Variants in ZEB1 observed in about 807,000 individuals in gnomAD.
ZEB1 encodes zinc finger E-box-binding homeobox 1.
A neutral mutation model predicts 84.9 loss-of-function variants in ZEB1; 21 were observed. The ratio of observed to expected loss-of-function variants is 0.25; its 90% CI spans 0.18 to 0.36. ZEB1 has a LOEUF of 0.36. Among genes scored for constraint, ZEB1 ranks in the 10% least tolerant of loss-of-function variants. ZEB1 has a pLI of 1.00. For missense variants in ZEB1, 1,104 were observed against 1,330.2 expected (o/e 0.83, Z 2.65); for synonymous variants, 420 against 471.1 (o/e 0.89, Z 1.41).
chr10:31,504,497 A>G (rs751718647), intron 4 of ZEB1, among the ~76,000 whole-genome samples: 45 of 152,078 alleles, frequency 3.0e-4, no homozygotes, highest in Non-Finnish European at 5.6e-4. Flanking sequence ...GAAAAATGAC[A>G]TAGATATTTT....
chr10:31,466,972 C>T (rs1259160167), intron 2 of ZEB1, among the ~76,000 whole-genome samples: 3 of 151,928 alleles, frequency 2.0e-5, no homozygotes, highest in Non-Finnish European at 4.4e-5. Flanking sequence ...CAGAGAGGAA[C>T]CAAAATATTG....
rs771931451 is a variant in ZEB1 at position 31,521,832 on chromosome 10, A to C, written c.2500A>C (p.Lys834Gln). Residue 834 changes from lysine (K) to glutamine (Q), a missense_variant, in exon 7 of 9, where the codon AAG becomes CAG. Physicochemically the swap from Lys to Gln is moderately conservative, Grantham distance 53. Transcript: ENST00000424869. ...ATGCTTAAGAGCGCTAGCTGCCAAT[A>C]AGCAAACGATTCTGATTCCCCAGGT... ...VPCLRALAANKQTILIPQVAY... is the reference protein window; with the variant it reads ...VPCLRALAANQQTILIPQVAY... The C allele has an allele frequency of 5.0e-6, 8 of 1,613,570 alleles. No individual in the cohort carries two copies. Among genetic ancestry groups the C allele is most frequent in the Non-Finnish European group, 5.9e-6 (7 of 1,179,806 alleles).
intron 1 of ZEB1, among the ~76,000 whole-genome samples, chr10:31,418,755 T>A (rs916806438): frequency 3.3e-5 from 5 of 152,036 alleles, no homozygotes; most frequent in Non-Finnish European, 7.4e-5. Context: ...TGTGATTGAG[T>A]AGGCTCCTAG....
At chr10:31,475,408 C>G (rs1207009195) in intron 2 of ZEB1, among the ~76,000 whole-genome samples, 1 of 152,058 alleles carries the variant, frequency 6.6e-6, no homozygotes, top group Non-Finnish European at 1.5e-5. Flanking sequence ...ACCCAATCTT[C>G]TAGAGATGTA....
At chr10:31,464,648 G>T (rs2062180521) in intron 2 of ZEB1, among the ~76,000 whole-genome samples, 1 of 152,158 alleles carries the variant, frequency 6.6e-6, no homozygotes, top group African/African-American at 2.4e-5. Flanking sequence ...AGCAGCAAAA[G>T]AAAAGTTGCA....
At chr10:31,400,636 A>G (rs1415856476) in intron 1 of ZEB1, among the ~76,000 whole-genome samples, 1 of 152,110 alleles carries the variant, frequency 6.6e-6, no homozygotes, top group Non-Finnish European at 1.5e-5. Flanking sequence ...ATTTTTTTAC[A>G]AAAAAACTTA....
chr10:31,318,423 C>G (rs559806762), upstream of ZEB1: 1 of 152,338 alleles, frequency 6.6e-6, no homozygotes, highest in Admixed American at 6.5e-5. Flanking sequence ...ACTCATTCCG[C>G]TCTACTAAGG....
chr10:31,470,123 C>T (rs1438497305), intron 2 of ZEB1, among the ~76,000 whole-genome samples: 3 of 152,168 alleles, frequency 2.0e-5, no homozygotes, highest in African/African-American at 7.2e-5. Flanking sequence ...AAAAACAGAA[C>T]AGAAAAAGTG....
intron 3 of ZEB1, among the ~76,000 whole-genome samples, chr10:31,496,656 T>C (rs183771017): frequency 1.7e-3 from 259 of 152,238 alleles, no homozygotes; most frequent in Middle Eastern, 3.4e-3. Flanking sequence ...AATTGTACTT[T>C]GTATATTCAA....
chr10:31,399,789 T>A (rs1363107142), intron 1 of ZEB1, among the ~76,000 whole-genome samples: 6 of 152,224 alleles, frequency 3.9e-5, no homozygotes, highest in African/African-American at 1.4e-4. Flanking sequence ...CCAGGCTCTG[T>A]GCTCTGGGCT....
chr10:31,519,056 C>G (rs1322826241), intron 6 of ZEB1, among the ~76,000 whole-genome samples: 1 of 152,120 alleles, frequency 6.6e-6, no homozygotes, highest in East Asian at 1.9e-4. Context: ...AAATCAGTGT[C>G]ATCACATCTC....
intron 1 of ZEB1, among the ~76,000 whole-genome samples, chr10:31,457,949 A>G (rs1023129419): frequency 1.3e-5 from 2 of 152,160 alleles, no homozygotes; most frequent in African/African-American, 4.8e-5. Context: ...CTAGGCTGCA[A>G]TATTGCATCA....
intron 1 of ZEB1, among the ~76,000 whole-genome samples, chr10:31,378,950 A>C (rs904510302): frequency 2.0e-5 from 3 of 152,066 alleles, no homozygotes; most frequent in Admixed American, 1.3e-4. Flanking sequence ...TTACATTTTT[A>C]AGAGGAGCGT....
chr10:31,393,011 G>GT (rs2135284792), intron 1 of ZEB1, among the ~76,000 whole-genome samples: 1 of 152,024 alleles, frequency 6.6e-6, no homozygotes, highest in South Asian at 2.1e-4. Flanking sequence ...ATTTTTCTGT[G>GT]TTTTTTGTTG....
At chr10:31,360,206 C>T (rs1443010149) in intron 1 of ZEB1, among the ~76,000 whole-genome samples, 1 of 152,136 alleles carries the variant, frequency 6.6e-6, no homozygotes, top group Non-Finnish European at 1.5e-5. Flanking sequence ...TCTTTTTTAA[C>T]ATGGTACTTG....
chr10:31,469,134 G>A (rs1335055068), intron 2 of ZEB1, among the ~76,000 whole-genome samples: 3 of 152,170 alleles, frequency 2.0e-5, no homozygotes, highest in Admixed American at 6.5e-5. Flanking sequence ...ACTGTTGAAA[G>A]CCTTAACAAT....
At chr10:31,501,621 TCC>T (rs150705107) in intron 3 of ZEB1, among the ~76,000 whole-genome samples, 44 of 148,790 alleles carry the variant, frequency 3.0e-4, no homozygotes, top group African/African-American at 1.1e-3. Flanking sequence ...AAAGTAGAGC[TCC>T]CCCCCCCATT....
chr10:31,394,725 A>G (rs2050378104), intron 1 of ZEB1, among the ~76,000 whole-genome samples: 1 of 152,194 alleles, frequency 6.6e-6, no homozygotes, highest in Non-Finnish European at 1.5e-5. Flanking sequence ...TCATAGCTGT[A>G]TAATGTTCCG....
At chr10:31,514,278 A>G (rs2070662779) in intron 5 of ZEB1, among the ~76,000 whole-genome samples, 1 of 152,110 alleles carries the variant, frequency 6.6e-6, no homozygotes, top group Non-Finnish European at 1.5e-5. Context: ...CAAAGTATAT[A>G]TTACTTTATT....
Sources: gnomAD v4.1 joint callset for allele counts (sites outside exome capture counted in the v4.1 genomes callset) on GRCh38, gnomAD v4.1.1 for gene constraint, MANE v1.5 for transcripts, NCBI Gene and HGNC (gene_info 2026-07-23, HGNC 2026-07-21) for gene names.